Variants in AFG1L observed in about 807,000 individuals in gnomAD.
AFG1L encodes the protein AFG1-like ATPase.
Under a neutral mutation model 62.2 loss-of-function variants are expected in AFG1L, and 53 were observed. The ratio of observed to expected loss-of-function variants is 0.85; its 90% CI spans 0.68 to 1.07. The LOEUF is 1.07. Ranked by LOEUF, AFG1L falls within the 50% of genes least tolerant of loss-of-function variation. The probability of loss-of-function intolerance (pLI) is 0.00; values close to 1 mark genes in which losing one functional copy is unlikely to be tolerated. For missense variants in AFG1L, 555 were observed against 590.5 expected, an observed-to-expected ratio of 0.94 and a Z score of 0.62; for synonymous variants, 228 against 210.3, an observed-to-expected ratio of 1.08 and a Z score of -0.73.
At chr6:108,330,696 C>T (rs1490830451) in intron 2 of AFG1L, among the ~76,000 whole-genome samples, 1 of 152,208 alleles carries the variant, frequency 6.6e-6, no homozygotes, top group Admixed American at 6.5e-5. Flanking sequence ...TGTTTATTAG[C>T]TACAGCATGT....
chr6:108,359,083 A>G (rs971917000), intron 5 of AFG1L: 20 of 152,210 alleles, frequency 1.3e-4, no homozygotes, highest in African/African-American at 4.8e-4. Flanking sequence ...TCCAGCCTGT[A>G]TCTGTCTATT....
At chr6:108,520,103 A>G (rs1240779049) in intron 12 of AFG1L, 9 of 243,426 alleles carry the variant, frequency 3.7e-5, no homozygotes, top group Non-Finnish European at 8.1e-6. Flanking sequence ...ACTGCTGAAT[A>G]ATGGCAGGCC....
At chr6:108,486,066 T>C in intron 10 of AFG1L, among the ~76,000 whole-genome samples, 1 of 152,148 alleles carries the variant, frequency 6.6e-6, no homozygotes, top group East Asian at 1.9e-4. Context: ...CTCTAAATAA[T>C]AATTAAGAAT....
chr6:108,374,763 G>A (rs1170121690), intron 6 of AFG1L, among the ~76,000 whole-genome samples: 3 of 152,178 alleles, frequency 2.0e-5, no homozygotes, highest in African/African-American at 7.2e-5. Flanking sequence ...GTTGGTTAAT[G>A]TGATGCCTTT....
At chr6:108,372,521 G>T (rs150016740) in intron 6 of AFG1L, among the ~76,000 whole-genome samples, 45 of 151,640 alleles carry the variant, frequency 3.0e-4, no homozygotes, top group African/African-American at 1.1e-3. Context: ...GTAGAGATGG[G>T]GTTTCACTAT....
intron 6 of AFG1L, among the ~76,000 whole-genome samples, chr6:108,367,283 A>C (rs773890841): frequency 1.3e-5 from 2 of 152,204 alleles, no homozygotes; most frequent in African/African-American, 2.4e-5. Flanking sequence ...AAATAGTCTT[A>C]GAATGAACAT....
Position 108,480,703 on chromosome 6 carries a change from C to T in AFG1L, c.1062+3411C>T, listed in dbSNP as rs142136395. Reference sequence around the variant, plus strand: ...ATCCCAGCTACTCAGGAGGCTGAGACATGAGAATCATTTGAACCCAGGAGG... The same window carrying T: ...ATCCCAGCTACTCAGGAGGCTGAGATATGAGAATCATTTGAACCCAGGAGG... On this transcript the variant is annotated intron_variant, in intron 10 of 12. Transcript: ENST00000368977. Among the ~76,000 whole-genome samples, 573 of 152,220 alleles carry T rather than the reference C, an allele frequency of 3.8e-3. 6 individuals carry two copies. The highest frequency in any genetic ancestry group is 0.013 in the African/African-American group (552 of 41,540).
intron 7 of AFG1L, among the ~76,000 whole-genome samples, chr6:108,431,164 C>T (rs958128261): frequency 6.6e-6 from 1 of 151,648 alleles, no homozygotes; most frequent in Admixed American, 6.6e-5. Flanking sequence ...AGTGCAGTGG[C>T]GTGATCTTGG....
At chr6:108,436,446 A>G (rs1045662769) in intron 7 of AFG1L, among the ~76,000 whole-genome samples, 1 of 152,132 alleles carries the variant, frequency 6.6e-6, no homozygotes, top group South Asian at 2.1e-4. Context: ...CCCGGCTGAG[A>G]TTAGGTTTTA....
In AFG1L at chr6:108,475,433, T is replaced by C. The variant is rs115267002; in HGVS notation, c.891-1432T>C. On this transcript the variant is annotated intron_variant, in intron 8 of 12. Transcript: ENST00000368977. ...TTTTTTTGCTTGTATACACCAAAGG[T>C]GGTGTTGGTTCCAAATGAATTCTCA... Among the ~76,000 whole-genome samples, 449 of 152,204 alleles carry C rather than the reference T, an allele frequency of 2.9e-3. 2 individuals are homozygous for C. The highest frequency in any genetic ancestry group is 0.01 in the African/African-American group (433 of 41,538).
intron 1 of AFG1L, among the ~76,000 whole-genome samples, chr6:108,296,959 C>T (rs1384414143): frequency 6.6e-6 from 1 of 152,168 alleles, no homozygotes; most frequent in Non-Finnish European, 1.5e-5. Flanking sequence ...CAAGTGAAGG[C>T]TGTGCTATTA....
chr6:108,360,640 C>T (rs1259298943), intron 5 of AFG1L, among the ~76,000 whole-genome samples: 2 of 152,134 alleles, frequency 1.3e-5, no homozygotes, highest in Non-Finnish European at 2.9e-5. Context: ...CTGATATCTG[C>T]ATATACCCAG....
At position 108,356,765 on chromosome 6, in the gene AFG1L, C is replaced by T; in HGVS notation, c.593C>T (p.Pro198Leu). 6.2e-7 allele frequency: 1 copy of T among 1,613,306 alleles called. No individual in the cohort carries two copies. Among genetic ancestry groups the T allele is most frequent in the Non-Finnish European group, 8.5e-7 (1 of 1,179,574 alleles). ...GCTAAATCATATGACCCAATAGCTC[C>T]CATAGCCGAAGAAATCAGCGAAGAA... ...FMAKSYDPIA[P>L]IAEEISEEAC... Residue 198 changes from proline to leucine, a missense_variant, in exon 5 of 13, where the codon CCC becomes CTC. By Grantham distance (98) the Pro-to-Leu change is moderately conservative (BLOSUM62 -3). Transcript: ENST00000368977.
intron 7 of AFG1L, among the ~76,000 whole-genome samples, chr6:108,410,214 G>A (rs1458454706): frequency 1.3e-5 from 2 of 152,104 alleles, no homozygotes; most frequent in East Asian, 3.9e-4. Context: ...GGCTAAGGCA[G>A]GAGAATAGCT....
At chr6:108,356,018 TA>T (rs916838404) in intron 4 of AFG1L, among the ~76,000 whole-genome samples, 1 of 152,142 alleles carries the variant, frequency 6.6e-6, no homozygotes, top group African/African-American at 2.4e-5. Context: ...TAAGGGCCAA[TA>T]AAAAAATGTT....
At chr6:108,412,923 C>T (rs1396841624) in intron 7 of AFG1L, among the ~76,000 whole-genome samples, 1 of 152,076 alleles carries the variant, frequency 6.6e-6, no homozygotes, top group African/African-American at 2.4e-5. Flanking sequence ...CAATATTAAA[C>T]TTAAATGTAA....
rs1167426720 is a variant in AFG1L at position 108,472,760 on chromosome 6, C to CCCTT, written c.891-4093_891-4090dup. On this transcript the variant is annotated intron_variant, in intron 8 of 12. Transcript: ENST00000368977. ...AGTGGCACAATCTCTCTCCCTCCCT[C>CCCTT]CCTTCCTTCCTTCCTCCCTCCCTCC... is the stretch of plus-strand genomic sequence containing the variant. 5.4e-4 allele frequency among the ~76,000 whole-genome samples: 80 copies of CCCTT among 147,442 alleles called. 1 individual carries two copies. Among genetic ancestry groups the CCCTT allele is most frequent in the Non-Finnish European group, 4.8e-4 (32 of 66,744 alleles).
rs1332027 is a variant in AFG1L at position 108,477,295 on chromosome 6, A to G, written c.1062+3A>G. 143,685 of 1,583,728 alleles carry G rather than the reference A, an allele frequency of 0.091. 9,014 individuals carry two copies. The highest frequency in any genetic ancestry group is 0.27 in the South Asian group (23,835 of 88,488). On this transcript the variant is annotated splice_donor_region_variant and intron_variant, in intron 10 of 12. Coordinates refer to ENST00000368977, the MANE Select transcript of AFG1L (RefSeq NM_145315.5). ...CATTTGAAGAGCTGTGTGAGAGAGT[A>G]AGTATCCAGGCACGTCCAGACTCAC... is the stretch of plus-strand genomic sequence containing the variant.
chr6:108,448,535 C>T (rs1437497025), intron 8 of AFG1L, among the ~76,000 whole-genome samples: 1 of 151,002 alleles, frequency 6.6e-6, no homozygotes, highest in Non-Finnish European at 1.5e-5. Context: ...AAAATATTTT[C>T]CTGATGGGGA....
Sources: allele counts gnomAD v4.1 joint callset (sites outside exome capture counted in the v4.1 genomes callset), GRCh38; gene constraint gnomAD v4.1.1; transcripts MANE v1.5; gene names NCBI Gene and HGNC (gene_info 2026-07-23, HGNC 2026-07-21).